The following NLK variants were observed in gnomAD, a reference collection of about 807,000 sequenced individuals.
NLK encodes nemo like kinase.
In NLK, 11 loss-of-function variants were observed where a neutral mutation model predicts 59.0. The observed-to-expected ratio is 0.19, with a 90% CI of 0.12 to 0.31. The LOEUF (loss-of-function observed/expected upper bound fraction) is 0.31. Ranked by LOEUF, NLK falls within the 10% of genes least tolerant of loss-of-function variation. The probability of loss-of-function intolerance (pLI) is 1.00; values close to 1 mark genes in which losing one functional copy is unlikely to be tolerated. For missense variants in NLK, 410 were observed against 661.1 expected (o/e 0.62, Z 4.16); for synonymous variants, 235 against 235.9 (o/e 1.00, Z 0.03).
chr17:28,047,017 A>G (rs1909080569), intron 1 of NLK, among the ~76,000 whole-genome samples: 2 of 152,154 alleles, frequency 1.3e-5, no homozygotes, highest in African/African-American at 2.4e-5. Context: ...CTGTCTTTCA[A>G]AACTGTAGTG....
At chr17:28,146,932 G>A (rs1434228637) in intron 3 of NLK, among the ~76,000 whole-genome samples, 2 of 152,148 alleles carry the variant, frequency 1.3e-5, no homozygotes, top group Non-Finnish European at 2.9e-5. Flanking sequence ...TTAGGAGTAG[G>A]TGAGGCAAAA....
chr17:28,141,369 TACACTGGTGATGGGTA>T (rs1386777091), intron 3 of NLK, among the ~76,000 whole-genome samples: 1 of 152,222 alleles, frequency 6.6e-6, no homozygotes, highest in African/African-American at 2.4e-5. Flanking sequence ...ACAAATGAGC[TACACTGGTGATGGGTA>T]ACACTGAGTA....
At chr17:28,161,784 C>T (rs2142048226) in intron 4 of NLK, among the ~76,000 whole-genome samples, 1 of 152,108 alleles carries the variant, frequency 6.6e-6, no homozygotes, top group African/African-American at 2.4e-5. Flanking sequence ...TTCTAGACAG[C>T]TCATTAAAGA....
chr17:28,169,569 G>A (rs1366572103), intron 6 of NLK, among the ~76,000 whole-genome samples: 1 of 152,112 alleles, frequency 6.6e-6, no homozygotes, highest in African/African-American at 2.4e-5. Context: ...TGGGTATTTT[G>A]TATTAATTTG....
intron 1 of NLK, among the ~76,000 whole-genome samples, chr17:28,068,089 C>T (rs1173798994): frequency 2.0e-5 from 3 of 148,394 alleles, no homozygotes; most frequent in Non-Finnish European, 3.0e-5. Context: ...TGCAGTAAGC[C>T]GAGAGGGAGC....
intron 3 of NLK, among the ~76,000 whole-genome samples, chr17:28,159,723 T>G (rs376656801): frequency 1.3e-5 from 2 of 152,282 alleles, no homozygotes; most frequent in South Asian, 4.2e-4. Context: ...AAAATTATAT[T>G]TTCTATATAA....
At chr17:28,203,164 TACACAC>T in the NLK span, among the ~76,000 whole-genome samples, 443 of 136,992 alleles carry the variant, frequency 3.2e-3, 4 homozygotes, top group African/African-American at 9.9e-3. Context: ...TATACATACA[TACACAC>T]ACACACACAC....
At chr17:28,099,568 CTTTTTTTTT>C (rs945214545) in intron 1 of NLK, among the ~76,000 whole-genome samples, 1 of 122,968 alleles carries the variant, frequency 8.1e-6, no homozygotes, top group Non-Finnish European at 1.7e-5. Flanking sequence ...TTGTGTTTGA[CTTTTTTTTT>C]TTTTTTTTTT....
intron 1 of NLK, among the ~76,000 whole-genome samples, chr17:28,043,702 A>G (rs1908955492): frequency 6.6e-6 from 1 of 152,224 alleles, no homozygotes; most frequent in Non-Finnish European, 1.5e-5. Context: ...ATTAAGTGTT[A>G]GCACCTGATC....
intron 6 of NLK, among the ~76,000 whole-genome samples, chr17:28,169,672 G>A (rs529123584): frequency 1.3e-5 from 2 of 151,410 alleles, no homozygotes. Context: ...GTTAAATCTT[G>A]GGTAAGTTAC....
intron 1 of NLK, among the ~76,000 whole-genome samples, chr17:28,067,000 C>G (rs907434017): frequency 9.9e-5 from 15 of 152,148 alleles, no homozygotes; most frequent in Non-Finnish European, 1.8e-4. Context: ...TATAAATCCT[C>G]TTTCAGATAC....
intron 1 of NLK, among the ~76,000 whole-genome samples, chr17:28,077,250 A>G (rs1000747999): frequency 6.6e-6 from 1 of 151,780 alleles, no homozygotes; most frequent in Non-Finnish European, 1.5e-5. Flanking sequence ...TTGGACTTGC[A>G]GTTCCATGTG....
chr17:28,131,586 T>TAAAAAAAAAAAAAAAAAA (rs35804817), intron 2 of NLK, among the ~76,000 whole-genome samples: 10 of 83,710 alleles, frequency 1.2e-4, no homozygotes, highest in African/African-American at 4.7e-4. Flanking sequence ...TTCTCTGTAG[T>TAAAAAAAAAAAAAAAAAA]AAAAAAAAAA....
rs568699197 is a variant in NLK, at chr17:28,185,902, G to A, written c.1236+637G>A. Among the ~76,000 whole-genome samples, 30 of 152,226 alleles carry A rather than the reference G, an allele frequency of 2.0e-4. 1 individual carries two copies. The South Asian group carries it at 6.2e-3, about 32-fold the overall frequency. The stretch of plus-strand genomic sequence containing the variant: ...TGACCATTATATTGCATAAGGAAAT[G>A]TTTGCTCTGTGTTGTTGAGATGGAA... On this transcript the variant is annotated intron_variant, in intron 8 of 10. Coordinates refer to ENST00000407008, the MANE Select transcript of NLK (RefSeq NM_016231.5).
chr17:28,140,665 A>G (rs886777017), intron 3 of NLK, among the ~76,000 whole-genome samples: 2 of 152,130 alleles, frequency 1.3e-5, no homozygotes, highest in Non-Finnish European at 2.9e-5. Flanking sequence ...TCATGGTTTA[A>G]TAGAGATGAT....
At chr17:28,087,810 C>T (rs1910563800) in intron 1 of NLK, among the ~76,000 whole-genome samples, 1 of 152,144 alleles carries the variant, frequency 6.6e-6, no homozygotes, top group Non-Finnish European at 1.5e-5. Context: ...TCTAAGATTC[C>T]TTTTGGTCCT....
intron 1 of NLK, among the ~76,000 whole-genome samples, chr17:28,046,974 A>G (rs1909079168): frequency 6.6e-6 from 1 of 152,160 alleles, no homozygotes; most frequent in African/African-American, 2.4e-5. Context: ...TTTGAATTTT[A>G]TTATTCTAAT....
At chr17:28,110,969 CAAGTA>C (rs1181336748) in intron 1 of NLK, among the ~76,000 whole-genome samples, 1 of 150,710 alleles carries the variant, frequency 6.6e-6, no homozygotes, top group African/African-American at 2.4e-5. Flanking sequence ...CTCAGCCTCC[CAAGTA>C]GCTGGGACTA....
chr17:28,175,332 T>TA (rs1908636120), intron 7 of NLK, among the ~76,000 whole-genome samples: 1 of 151,538 alleles, frequency 6.6e-6, no homozygotes, highest in Admixed American at 6.6e-5. Flanking sequence ...CAGGCGCCTG[T>TA]AGTCCCAGCT....
Sources: allele counts gnomAD v4.1 joint callset (sites outside exome capture counted in the v4.1 genomes callset), GRCh38; gene constraint gnomAD v4.1.1; transcripts MANE v1.5; gene names NCBI Gene and HGNC (gene_info 2026-07-23, HGNC 2026-07-21).